The following MAST3 variants were observed in gnomAD, a reference collection of about 807,000 sequenced individuals.
MAST3 encodes microtubule-associated serine/threonine-protein kinase 3.
MAST3 carries 43 observed loss-of-function variants against 127.0 expected under a neutral mutation model. The observed-to-expected ratio is 0.34, with a 90% CI of 0.27 to 0.44. The LOEUF is 0.44. Among genes scored for constraint, MAST3 ranks in the 20% least tolerant of loss-of-function variants. MAST3 has a pLI of 1.00. For missense variants in MAST3, 1,390 were observed against 1,919.1 expected (o/e 0.72, Z 5.15); for synonymous variants, 785 against 809.2 (o/e 0.97, Z 0.51).
At position 18,138,760 on chromosome 19, in the gene MAST3, A is replaced by G. The variant is rs370762384; in HGVS notation, c.2096-255A>G. 7.2e-5 allele frequency among the ~76,000 whole-genome samples: 11 copies of G among 152,194 alleles called. 1 individual carries two copies. In the East Asian group the frequency reaches 2.1e-3, roughly 29 times the overall value. The stretch of plus-strand genomic sequence containing the variant: ...GTGAGCCACCCACCTTGGCCTCTCA[A>G]AGTGCTGGGATTACAGGCGTGAGCC... On this transcript the variant is annotated intron_variant, in intron 19 of 27. Transcript: ENST00000687212.
intron 11 of MAST3, 141 bp from the exon 12 acceptor site, chr19:18,128,255 GCTTC>G (rs778055838): frequency 1.7e-6 from 1 of 604,496 alleles, no homozygotes; most frequent in Non-Finnish European, 2.9e-6. Flanking sequence ...CCCGGATGTG[GCTTC>G]ATGACAGTGT....
chr19:18,144,787 GC>G lies in MAST3; in HGVS notation c.2812+98del. ...CCTGAGTTGGGGAGGCTGGGGATGAGCCCCAGAAGAGGGGAGGAGGAGTAGG... is the reference window on the plus strand; with the variant it reads ...CCTGAGTTGGGGAGGCTGGGGATGAGCCCAGAAGAGGGGAGGAGGAGTAGG... On this transcript the variant is annotated intron_variant, in intron 23 of 27. Coordinates refer to ENST00000687212, the MANE Select transcript of MAST3 (RefSeq NM_001393504.1). This position sits in a 1 kb window ranked among gnomAD's most constrained non-coding sequence, Gnocchi z 4.0. 1.5e-6 allele frequency: 2 copies of G among 1,352,626 alleles called. No homozygotes were observed. The highest frequency in any genetic ancestry group is 2.1e-6 in the Non-Finnish European group (2 of 962,368). The allele number at this position is 1,352,626 out of a possible 1,614,324, so 83.8% of individuals were successfully genotyped here.
chr19:18,103,602 GTTA>G (rs2037828512), intron 1 of MAST3, among the ~76,000 whole-genome samples: 1 of 152,074 alleles, frequency 6.6e-6, no homozygotes, highest in South Asian at 2.1e-4. Context: ...TCAACTGGTG[GTTA>G]TTATTCACGT....
intron 17 of MAST3, 143 bp downstream of exon 17, chr19:18,135,125 G>A (rs920688874): frequency 1.1e-5 from 10 of 944,796 alleles, no homozygotes; most frequent in Non-Finnish European, 7.9e-6. Context: ...GGTGCTGAGT[G>A]AGGCGGGTGG....
chr19:18,112,231 C>T lies in MAST3; in HGVS notation c.161+1490C>T, dbSNP rs1282301552. On this transcript the variant is annotated intron_variant, in intron 3 of 27. Coordinates refer to ENST00000687212, the MANE Select transcript of MAST3 (RefSeq NM_001393504.1). This position sits in a 1 kb window ranked among gnomAD's most constrained non-coding sequence, Gnocchi z 4.1. ...AGGTTGGACTGCAGTGGCATGATCT[C>T]GGCTCACTGCAACCTCTGCCTCCCA... Among the ~76,000 whole-genome samples, 2 of 152,336 alleles carry T rather than the reference C, an allele frequency of 1.3e-5. No individual in the cohort carries two copies. Among genetic ancestry groups the T allele is most frequent in the South Asian group, 2.1e-4 (1 of 4,834 alleles).
chr19:18,120,113 C>T (rs1483373160), intron 3 of MAST3, among the ~76,000 whole-genome samples: 1 of 152,140 alleles, frequency 6.6e-6, no homozygotes, highest in East Asian at 1.9e-4. Flanking sequence ...AGACCTGGGC[C>T]AGGGATCTGG....
Position 18,143,900 on chromosome 19 carries a change from G to A in MAST3, c.2477G>A (p.Gly826Glu), listed in dbSNP as rs1307712098. The A allele has an allele frequency of 6.2e-7, 1 of 1,613,846 alleles. No homozygotes were observed. Among genetic ancestry groups the A allele is most frequent in the Non-Finnish European group, 8.5e-7 (1 of 1,179,874 alleles). The change falls in exon 22 of 28, where the codon GGG (glycine) becomes GAG (glutamate). Residue 826 changes from glycine to glutamate, a missense_variant. Transcript: ENST00000687212. ...TTTGCCTTCTCATCAGAGGATGAGG[G>A]GGTAGGCCCAGGCCCTGCAGGCCCC... is the stretch of plus-strand genomic sequence containing the variant. ...PKFAFSSEDEGVGPGPAGPKR... is the reference protein window; with the variant it reads ...PKFAFSSEDEEVGPGPAGPKR...
intron 1 of MAST3, among the ~76,000 whole-genome samples, chr19:18,099,432 A>T (rs1181141836): frequency 1.3e-5 from 2 of 151,454 alleles, no homozygotes; most frequent in Admixed American, 1.3e-4. Context: ...AGCCTCTTAA[A>T]ATAGAGAAAC....
chr19:18,115,609 AACC>A (rs1203832766), intron 3 of MAST3, among the ~76,000 whole-genome samples: 1 of 151,956 alleles, frequency 6.6e-6, no homozygotes, highest in African/African-American at 2.4e-5. Context: ...GTGGTCTCAA[AACC>A]ACCATCTCCC....
At chr19:18,101,546 T>C (rs969316819) in intron 1 of MAST3, among the ~76,000 whole-genome samples, 2 of 152,156 alleles carry the variant, frequency 1.3e-5, no homozygotes, top group South Asian at 2.1e-4. Context: ...GTGTTTTCCA[T>C]GTGCCTGCAG....
chr19:18,106,114 G>A (rs1167239449), intron 1 of MAST3, among the ~76,000 whole-genome samples: 2 of 151,968 alleles, frequency 1.3e-5, no homozygotes, highest in East Asian at 1.9e-4. Context: ...TAGACTTAGA[G>A]TCTTGCTCTG....
At chr19:18,139,881 G>A (rs1184368092) in intron 20 of MAST3, among the ~76,000 whole-genome samples, 11 of 142,818 alleles carry the variant, frequency 7.7e-5, no homozygotes, top group African/African-American at 2.3e-4. Context: ...GTGCAGTGGC[G>A]TGATCTCTGC....
chr19:18,121,549 G>T, intron 3 of MAST3, 136 bp from the exon 4 acceptor site: 1 of 738,964 alleles, frequency 1.4e-6, no homozygotes, highest in Non-Finnish European at 2.3e-6. Flanking sequence ...GAACCCAGCT[G>T]GGGGCAGAGT....
chr19:18,133,194 TG>T (rs2147442079), intron 15 of MAST3, among the ~76,000 whole-genome samples: 1 of 152,192 alleles, frequency 6.6e-6, no homozygotes, highest in East Asian at 1.9e-4. Flanking sequence ...GCTGTATACT[TG>T]GGCCTGTGCT....
chr19:18,147,065 C>T (rs273279), intron 26 of MAST3, 21 bp downstream of exon 26: 1,180,170 of 1,472,874 alleles, frequency 0.8, 472,840 homozygotes, highest in East Asian at 0.87. Context: ...GGCGGGGCCA[C>T]GGGGACTGGG....
At chr19:18,106,760 G>A (rs1162577988) in intron 1 of MAST3, among the ~76,000 whole-genome samples, 10 of 146,586 alleles carry the variant, frequency 6.8e-5, no homozygotes, top group East Asian at 2.0e-4. Flanking sequence ...TAGTAGAGAT[G>A]GGGTTTCACC....
chr19:18,110,046 C>T lies in MAST3; in HGVS notation c.72-606C>T, dbSNP rs1300276942. On this transcript the variant is annotated intron_variant, in intron 2 of 27. Transcript: ENST00000687212. The surrounding 1 kb of genome is among the most constrained non-coding windows in gnomAD (Gnocchi z 4.3). ...GCGGCCTCGGCGTCCCTGCGGCAGA[C>T]AGGGCGGCACCCGCGGCTCCCCTTT... The T allele has an allele frequency of 1.0e-6, 1 of 985,248 alleles. No homozygotes were observed. The highest frequency in any genetic ancestry group is 1.1e-4 in the East Asian group (1 of 8,816). The allele number at this position is 985,248 out of a possible 1,614,324, so 61.0% of individuals were successfully genotyped here. A position where few individuals can be genotyped will look rare whatever the true frequency, so the allele number is the denominator to read the frequency against.
intron 2 of MAST3, among the ~76,000 whole-genome samples, chr19:18,108,018 C>T (rs892294909): frequency 3.3e-5 from 5 of 152,132 alleles, no homozygotes; most frequent in East Asian, 1.9e-4. Context: ...CAGCTAGGCA[C>T]GGTGGCTCCC....
At chr19:18,119,964 T>C (rs1480255992) in intron 3 of MAST3, among the ~76,000 whole-genome samples, 1 of 152,216 alleles carries the variant, frequency 6.6e-6, no homozygotes, top group East Asian at 1.9e-4. Context: ...GTGTGTGGGC[T>C]GATGCTCTTG....
Sources: allele counts gnomAD v4.1 joint callset (sites outside exome capture counted in the v4.1 genomes callset), GRCh38; gene constraint gnomAD v4.1.1; non-coding constraint Gnocchi (gnomAD v3.1); transcripts MANE v1.5; gene names NCBI Gene and HGNC (gene_info 2026-07-23, HGNC 2026-07-21).